The following IFTAP variants were observed in gnomAD, a reference collection of about 807,000 sequenced individuals.
IFTAP encodes the protein intraflagellar transport associated protein.
Under a neutral mutation model 19.4 loss-of-function variants are expected in IFTAP, and 19 were observed. The ratio of observed to expected loss-of-function variants is 0.98; its 90% confidence interval spans 0.68 to 1.44. The LOEUF (loss-of-function observed/expected upper bound fraction) is 1.44. IFTAP is among the 40% of genes most tolerant of loss of function. The pLI, the probability that IFTAP is intolerant of heterozygous loss-of-function variation, is 0.00. For missense variants in IFTAP, 240 were observed against 253.6 expected, an observed-to-expected ratio of 0.95 and a Z score of 0.36; for synonymous variants, 85 against 83.5, an observed-to-expected ratio of 1.02 and a Z score of -0.10.
chr11:36,653,172 T>C (rs1489878609), intron 5 of IFTAP, among the ~76,000 whole-genome samples: 1 of 152,154 alleles, frequency 6.6e-6, no homozygotes, highest in Non-Finnish European at 1.5e-5. Context: ...CCATTATTGA[T>C]GTAAGCATTA....
At chr11:36,623,860 C>T (rs182731946) in intron 2 of IFTAP, among the ~76,000 whole-genome samples, 134 of 151,786 alleles carry the variant, frequency 8.8e-4, no homozygotes, top group South Asian at 6.7e-3. Context: ...TAAAGACTTA[C>T]GCAAGAGTAG....
intron 2 of IFTAP, among the ~76,000 whole-genome samples, chr11:36,622,189 A>C (rs1852321354): frequency 6.6e-6 from 1 of 151,516 alleles, no homozygotes; most frequent in Non-Finnish European, 1.5e-5. Context: ...GCTCTAATCC[A>C]ACATGCCAAT....
chr11:36,644,311 A>C (rs984621507), intron 4 of IFTAP, among the ~76,000 whole-genome samples: 24 of 152,142 alleles, frequency 1.6e-4, no homozygotes, highest in Non-Finnish European at 8.8e-5. Flanking sequence ...ACCATCTCAC[A>C]CCAGTTAGAA....
chr11:36,611,191 G>A (rs1851864185), intron 2 of IFTAP, among the ~76,000 whole-genome samples: 1 of 152,044 alleles, frequency 6.6e-6, no homozygotes, highest in Non-Finnish European at 1.5e-5. Flanking sequence ...CATTTGAGTT[G>A]TTATCTTCCT....
chr11:36,649,906 A>G (rs966977566), intron 5 of IFTAP, among the ~76,000 whole-genome samples: 3 of 152,166 alleles, frequency 2.0e-5, no homozygotes, highest in African/African-American at 7.2e-5. Flanking sequence ...TAATGGGAAA[A>G]TCCAAAATGC....
intron 3 of IFTAP, 68 bp downstream of exon 3, chr11:36,633,506 A>AG: frequency 7.8e-7 from 1 of 1,276,016 alleles, no homozygotes; most frequent in Non-Finnish European, 1.0e-6. Context: ...AATCAAAAAA[A>AG]AGAGACCCTA....
At chr11:36,654,347 T>C (rs183803794) in intron 5 of IFTAP, among the ~76,000 whole-genome samples, 1,814 of 152,140 alleles carry the variant, frequency 0.012, 19 homozygotes, top group East Asian at 0.031. Flanking sequence ...TATTTTTTTA[T>C]TTTTTATTAT....
chr11:36,610,379 T>A, intron 2 of IFTAP, 140 bp downstream of exon 2: 1 of 728,980 alleles, frequency 1.4e-6, no homozygotes, highest in Non-Finnish European at 2.2e-6. Flanking sequence ...ACTAGGGCAC[T>A]CGTGACTGAT....
In IFTAP at chr11:36,632,560, T is replaced by C. The variant is rs187461525; in HGVS notation, c.137-724T>C. ...TAGTCTCTTAATTTAGGATTACTCT[T>C]AGATGCTTTCCTCAGCCTAAGTAGA... On this transcript the variant is annotated intron_variant, in intron 2 of 5. Transcript: ENST00000334307. Among the ~76,000 whole-genome samples the C allele has an allele frequency of 1.3e-4, 19 of 151,504 alleles. No homozygotes were observed. In the East Asian group the frequency reaches 3.7e-3, roughly 29 times the overall value.
At chr11:36,640,752 C>A (rs1359106889) in intron 4 of IFTAP, among the ~76,000 whole-genome samples, 4 of 151,978 alleles carry the variant, frequency 2.6e-5, no homozygotes, top group Admixed American at 2.6e-4. Context: ...GCTTTTCTGG[C>A]AAAATTGGTG....
intron 2 of IFTAP, among the ~76,000 whole-genome samples, chr11:36,616,676 C>A (rs949435637): frequency 6.6e-6 from 1 of 151,714 alleles, no homozygotes; most frequent in Admixed American, 6.6e-5. Flanking sequence ...ATTTAAGGAG[C>A]GATGCCAGTG....
intron 1 of IFTAP, chr11:36,594,980 C>G (rs1017643854): frequency 2.0e-5 from 3 of 152,144 alleles, no homozygotes; most frequent in Non-Finnish European, 2.9e-5. Flanking sequence ...CTTACAGAAC[C>G]GAAAGATGGA....
chr11:36,634,336 T>C (rs117764555), intron 3 of IFTAP, among the ~76,000 whole-genome samples: 1,822 of 152,138 alleles, frequency 0.012, 21 homozygotes, highest in East Asian at 0.031. Flanking sequence ...GGGATAGGAG[T>C]GGAGAGTATT....
At chr11:36,639,790 A>G (rs976438942) in intron 4 of IFTAP, among the ~76,000 whole-genome samples, 1 of 152,162 alleles carries the variant, frequency 6.6e-6, no homozygotes, top group Non-Finnish European at 1.5e-5. Flanking sequence ...TTTCAACATA[A>G]GACTTGCTGA....
chr11:36,621,919 G>T (rs193268216), intron 2 of IFTAP, among the ~76,000 whole-genome samples: 9 of 152,076 alleles, frequency 5.9e-5, no homozygotes, highest in Non-Finnish European at 7.4e-5. Flanking sequence ...TTAACTATTT[G>T]CATAGTATTG....
At chr11:36,604,542 T>C (rs1851623655) in intron 1 of IFTAP, among the ~76,000 whole-genome samples, 1 of 152,194 alleles carries the variant, frequency 6.6e-6, no homozygotes, top group African/African-American at 2.4e-5. Context: ...TCATTTGTAT[T>C]GGTAGGTCTC....
chr11:36,634,795 A>G (rs574367125), intron 3 of IFTAP, among the ~76,000 whole-genome samples: 1 of 150,752 alleles, frequency 6.6e-6, no homozygotes, highest in South Asian at 2.1e-4. Context: ...TGGAGAATTC[A>G]GCAGATTTTG....
intron 2 of IFTAP, among the ~76,000 whole-genome samples, chr11:36,619,836 T>TTAGCCA (rs1454650199): frequency 6.6e-6 from 1 of 152,030 alleles, no homozygotes; most frequent in East Asian, 1.9e-4. Context: ...CTTTTTAACG[T>TTAGCCA]TAGCCACATT....
At chr11:36,639,349 T>G (rs1388134518) in intron 4 of IFTAP, among the ~76,000 whole-genome samples, 1 of 152,128 alleles carries the variant, frequency 6.6e-6, no homozygotes, top group East Asian at 1.9e-4. Flanking sequence ...TTGTATTGAC[T>G]GAGAATGGGC....
Sources: allele counts gnomAD v4.1 joint callset (sites outside exome capture counted in the v4.1 genomes callset), GRCh38; gene constraint gnomAD v4.1.1; transcripts MANE v1.5; gene names NCBI Gene and HGNC (gene_info 2026-07-23, HGNC 2026-07-21).